ABR: variants seen among roughly 807,000 people sequenced by gnomAD.
The protein encoded by ABR is ABR activator of RhoGEF and GTPase, also known as active breakpoint cluster region-related protein.
A neutral mutation model predicts 107.2 loss-of-function variants in ABR; 35 were observed. The observed-to-expected ratio is 0.33, with a 90% CI of 0.25 to 0.43. The LOEUF (loss-of-function observed/expected upper bound fraction) is 0.43. Among genes scored for constraint, ABR ranks in the 20% least tolerant of loss-of-function variants. The pLI is 1.00. For synonymous variants in ABR, 498 were observed against 462.0 expected (o/e 1.08, Z -1.00); for missense variants, 815 against 1,115.2 (o/e 0.73, Z 3.83).
chr17:1,156,421 C>T (rs1031893816), intron 1 of ABR, among the ~76,000 whole-genome samples: 4 of 152,192 alleles, frequency 2.6e-5, no homozygotes, highest in Admixed American at 6.5e-5. Context: ...TGGTGGCTCA[C>T]GCCTGCAATG....
chr17:1,125,918 G>A (rs2039579479), intron 1 of ABR, among the ~76,000 whole-genome samples: 1 of 152,188 alleles, frequency 6.6e-6, no homozygotes, highest in Non-Finnish European at 1.5e-5. Context: ...ACGGAGGACG[G>A]AGCCCAAGGC....
At position 1,010,511 on chromosome 17, in the gene ABR, A is replaced by C. The variant is rs950316842; in HGVS notation, c.2236+218T>G. On this transcript the variant is annotated intron_variant, in intron 20 of 22. Coordinates refer to ENST00000302538, the MANE Select transcript of ABR (RefSeq NM_021962.5). This position sits in a 1 kb window ranked among gnomAD's most constrained non-coding sequence, Gnocchi z 4.1. ...AGCAGAAGGGGCTGCCCATGGGGAC[A>C]TCAGGGGCAAGAGGCAGGCGAGAAA... 65 of 605,536 alleles carry C rather than the reference A, an allele frequency of 1.1e-4. No homozygotes were observed. Among genetic ancestry groups the C allele is most frequent in the Non-Finnish European group, 1.2e-4 (43 of 350,604 alleles). 37.5% of individuals were successfully genotyped at this position (605,536 alleles called of 1,614,324 possible).
intron 1 of ABR, among the ~76,000 whole-genome samples, chr17:1,155,414 A>C (rs2041000250): frequency 6.6e-6 from 1 of 152,174 alleles, no homozygotes; most frequent in Admixed American, 6.5e-5. Context: ...AAATGGATCA[A>C]AGACCTAAAT....
chr17:1,062,195 G>C (rs1297755654), intron 10 of ABR, among the ~76,000 whole-genome samples: 3 of 149,308 alleles, frequency 2.0e-5, no homozygotes, highest in East Asian at 4.0e-4. Flanking sequence ...AGACACTGTT[G>C]TTACGTGAAC....
chr17:1,196,148 G>T (rs2042558627), intron 1 of ABR, among the ~76,000 whole-genome samples: 1 of 138,148 alleles, frequency 7.2e-6, no homozygotes, highest in Non-Finnish European at 1.5e-5. Flanking sequence ...AAAAAAAATA[G>T]GCAAGGTGCG....
chr17:1,165,153 C>G (rs1287679140), intron 1 of ABR, among the ~76,000 whole-genome samples: 2 of 152,134 alleles, frequency 1.3e-5, no homozygotes, highest in African/African-American at 4.8e-5. Flanking sequence ...ACCAAGCTCC[C>G]GGCCTGCAGA....
At chr17:1,060,521 G>A (rs2033803503) in intron 10 of ABR, among the ~76,000 whole-genome samples, 1 of 152,164 alleles carries the variant, frequency 6.6e-6, no homozygotes, top group East Asian at 1.9e-4. Flanking sequence ...GGACACGCGG[G>A]CGCACACCAG....
chr17:1,031,875 CT>C, intron 16 of ABR: 2 of 1,179,000 alleles, frequency 1.7e-6, no homozygotes, highest in Non-Finnish European at 2.1e-6. Context: ...CCTCCCCGCG[CT>C]CCCCTCCCTC....
At chr17:1,020,360 G>A (rs560971799) in intron 16 of ABR, among the ~76,000 whole-genome samples, 1 of 152,220 alleles carries the variant, frequency 6.6e-6, no homozygotes, top group African/African-American at 2.4e-5. Flanking sequence ...TGGGATTCCA[G>A]GCGTGAGCCC....
In ABR at chr17:1,013,129, G is replaced by C; in HGVS notation, c.1827C>G (p.His609Gln). ...DPQTVETKNW[H>Q]TDVIEMNGIK... ...CCCCGTTCATCTCAATCACGTCCGT[G>C]TGCCAGTTCTTGGTCTCCACGGTTT... Residue 609 changes from histidine to glutamine, a missense_variant, in exon 17 of 23, where the codon CAC becomes CAG. Coordinates refer to ENST00000302538, the MANE Select transcript of ABR (RefSeq NM_021962.5). 1.9e-6 allele frequency: 3 copies of C among 1,614,178 alleles called. No individual in the cohort carries two copies. The highest frequency in any genetic ancestry group is 2.5e-6 in the Non-Finnish European group (3 of 1,180,016).
intron 6 of ABR, 36 bp from the exon 7 acceptor site, chr17:1,073,713 G>A: frequency 6.4e-7 from 1 of 1,571,142 alleles, no homozygotes; most frequent in African/African-American, 1.4e-5. Context: ...GGAAGAGGAT[G>A]ATGGACGAGG....
chr17:1,203,382 T>TGGGGCGGAGTC (rs2042711746), intron 1 of ABR, among the ~76,000 whole-genome samples: 3 of 47,700 alleles, frequency 6.3e-5, no homozygotes, highest in Non-Finnish European at 1.3e-4. Context: ...GGGCGGGGCC[T>TGGGGCGGAGTC]TGAGGGGGCG....
upstream of ABR, among the ~76,000 whole-genome samples, chr17:1,183,756 C>A (rs905566642): frequency 6.6e-6 from 1 of 150,968 alleles, no homozygotes; most frequent in Non-Finnish European, 1.5e-5. Flanking sequence ...TGTTCCCATG[C>A]GGGGGCCAGG....
intron 1 of ABR, among the ~76,000 whole-genome samples, chr17:1,127,643 C>A (rs1231478548): frequency 6.6e-6 from 1 of 152,144 alleles, no homozygotes; most frequent in East Asian, 1.9e-4. Flanking sequence ...TGCCTGGAGT[C>A]CAGGGAAAAT....
At chr17:1,164,821 C>T (rs1462778436) in intron 1 of ABR, among the ~76,000 whole-genome samples, 1 of 152,008 alleles carries the variant, frequency 6.6e-6, no homozygotes, top group Non-Finnish European at 1.5e-5. Context: ...TGTCTGCCAC[C>T]ACTCCCAGCT....
intron 1 of ABR, among the ~76,000 whole-genome samples, chr17:1,163,478 C>G (rs368156990): frequency 3.3e-5 from 5 of 151,864 alleles, no homozygotes; most frequent in East Asian, 3.9e-4. Context: ...AGCACTGAAT[C>G]CAGACGCAGG....
chr17:1,110,502 T>C (rs999099555), intron 2 of ABR, among the ~76,000 whole-genome samples: 2 of 152,180 alleles, frequency 1.3e-5, no homozygotes, highest in Admixed American at 6.5e-5. Context: ...ATCTGGCTTA[T>C]TAACAGGAAT....
At chr17:1,033,570 G>A (rs1192041552) in intron 16 of ABR, among the ~76,000 whole-genome samples, 1 of 152,230 alleles carries the variant, frequency 6.6e-6, no homozygotes, top group Non-Finnish European at 1.5e-5. Flanking sequence ...GCTGGTGGAG[G>A]GGGGCCTTGG....
chr17:1,012,686 A>T lies in ABR; in HGVS notation c.1961+2T>A. On this transcript the variant is annotated splice_donor_variant, in intron 18 of 22. Coordinates refer to ENST00000302538, the MANE Select transcript of ABR (RefSeq NM_021962.5). LOFTEE classifies it high-confidence loss of function. Reference sequence around the variant, plus strand: ...GACTGGGAGACCCGAGGCAGCACCTACTTCGTCACCACGCTGATCTTCACA... The same window carrying T: ...GACTGGGAGACCCGAGGCAGCACCTTCTTCGTCACCACGCTGATCTTCACA... 6.4e-7 allele frequency: 1 copy of T among 1,570,782 alleles called. No individual in the cohort carries two copies. Among genetic ancestry groups the T allele is most frequent in the Non-Finnish European group, 8.6e-7 (1 of 1,156,310 alleles).
Sources: gnomAD v4.1 joint callset for allele counts (sites outside exome capture counted in the v4.1 genomes callset) on GRCh38, gnomAD v4.1.1 for gene constraint, Gnocchi (gnomAD v3.1) non-coding constraint, MANE v1.5 for transcripts, NCBI Gene and HGNC (gene_info 2026-07-23, HGNC 2026-07-21) for gene names.